MCUB: variants seen among roughly 807,000 people sequenced by gnomAD.
The protein encoded by MCUB is mitochondrial calcium uniporter dominant negative subunit beta, also known as calcium uniporter regulatory subunit MCUb, mitochondrial.
Under a neutral mutation model 41.4 loss-of-function variants are expected in MCUB, and 46 were observed. The ratio of observed to expected loss-of-function variants is 1.11; its 90% CI spans 0.88 to 1.42. The LOEUF (loss-of-function observed/expected upper bound fraction) is 1.42, where lower values mean the gene tolerates loss of function less well. MCUB is among the 40% of genes most tolerant of loss of function. The pLI, the probability that MCUB is intolerant of heterozygous loss-of-function variation, is 0.00. For missense variants in MCUB, 403 were observed against 404.9 expected (o/e 1.00, Z 0.04); for synonymous variants, 148 against 148.2 (o/e 1.00, Z 0.01).
chr4:109,684,901 C>T, intron 6 of MCUB: 1 of 398,120 alleles, frequency 2.5e-6, no homozygotes, highest in Non-Finnish European at 4.4e-6. Flanking sequence ...TTCTCTGTGC[C>T]CTCATTTATA....
chr4:109,641,366 A>T (rs1339877277), intron 1 of MCUB, among the ~76,000 whole-genome samples: 1 of 151,496 alleles, frequency 6.6e-6, no homozygotes, highest in Non-Finnish European at 1.5e-5. Flanking sequence ...AGCCTCCCAA[A>T]GTGCTGGGAT....
chr4:109,687,246 C>G (rs979219797), intron 7 of MCUB, among the ~76,000 whole-genome samples: 2 of 151,878 alleles, frequency 1.3e-5, no homozygotes, highest in African/African-American at 4.8e-5. Flanking sequence ...GTGGTCCTAG[C>G]TACTTGGGAG....
At position 109,626,821 on chromosome 4, in the gene MCUB, CAAAAAAAAAAAAAA is replaced by C. The variant is rs58560479; in HGVS notation, c.100-32179_100-32166del. Among the ~76,000 whole-genome samples, 4 of 81,566 alleles carry C rather than the reference CAAAAAAAAAAAAAA, an allele frequency of 4.9e-5. No homozygotes were observed. In the East Asian group the frequency reaches 1.4e-3, roughly 29 times the overall value. The allele number at this position is 81,566 out of a possible 152,430, so 53.5% of individuals were successfully genotyped here. A position where few individuals can be genotyped will look rare whatever the true frequency, so the allele number is the denominator to read the frequency against. ...GAGTGACAAGAGTGAGAGTCCGACT[CAAAAAAAAAAAAAA>C]AAAAAAAAAAGGAAGCCTGGATAGC... is the stretch of plus-strand genomic sequence containing the variant. On this transcript the variant is annotated intron_variant, in intron 1 of 7. Coordinates refer to ENST00000394650, the MANE Select transcript of MCUB (RefSeq NM_017918.5).
intron 2 of MCUB, among the ~76,000 whole-genome samples, 154 bp downstream of exon 2, chr4:109,659,240 C>G (rs1266475547): frequency 2.7e-5 from 4 of 149,692 alleles, no homozygotes; most frequent in Non-Finnish European, 4.4e-5. Flanking sequence ...TTTTGTGCTC[C>G]CATAATATAG....
rs117517221 is a variant in MCUB, at chr4:109,656,135, A to G, written c.100-2876A>G. Reference sequence around the variant, plus strand: ...TTGTAATCATTTTATATTGCCTCCAACTGGATTCCTGGATTCTCACAGGCA... The same window carrying G: ...TTGTAATCATTTTATATTGCCTCCAGCTGGATTCCTGGATTCTCACAGGCA... On this transcript the variant is annotated intron_variant, in intron 1 of 7. Coordinates refer to ENST00000394650, the MANE Select transcript of MCUB (RefSeq NM_017918.5). 3.8e-3 allele frequency among the ~76,000 whole-genome samples: 576 copies of G among 152,072 alleles called. 17 individuals are homozygous for G. The South Asian group carries it at 0.06, about 16-fold the overall frequency.
At chr4:109,674,055 T>G in intron 4 of MCUB, 1 of 1,383,990 alleles carries the variant, frequency 7.2e-7, no homozygotes, top group Admixed American at 1.7e-5. Context: ...AAGGCTTTGT[T>G]GTAGGAGCAA....
chr4:109,654,605 C>A (rs569920955), intron 1 of MCUB, among the ~76,000 whole-genome samples: 1 of 151,344 alleles, frequency 6.6e-6, no homozygotes, highest in East Asian at 1.9e-4. Flanking sequence ...AGCAAGACTC[C>A]GTCTCAGGAG....
In MCUB at chr4:109,576,463, C is replaced by T. The variant is rs185313207; in HGVS notation, c.99+16027C>T. On this transcript the variant is annotated intron_variant, in intron 1 of 7. Transcript: ENST00000394650. Reference sequence around the variant, plus strand: ...GCAAATAAACATGAAAAGTGGTCAGCCTCACTGATAGTCAAAAAAATGCAA... The same window carrying T: ...GCAAATAAACATGAAAAGTGGTCAGTCTCACTGATAGTCAAAAAAATGCAA... 5.3e-5 allele frequency among the ~76,000 whole-genome samples: 8 copies of T among 149,764 alleles called. No individual in the cohort carries two copies. In the East Asian group the frequency reaches 1.2e-3, roughly 22 times the overall value.
chr4:109,566,385 A>G (rs1726777399), intron 1 of MCUB, among the ~76,000 whole-genome samples: 1 of 151,102 alleles, frequency 6.6e-6, no homozygotes, highest in Admixed American at 6.6e-5. Context: ...CAGGAGAATG[A>G]CATGAACCCG....
chr4:109,612,309 C>G (rs1028692289), intron 1 of MCUB, among the ~76,000 whole-genome samples: 17 of 150,352 alleles, frequency 1.1e-4, no homozygotes, highest in Admixed American at 1.1e-3. Context: ...GCCAGCCACC[C>G]AGGCTGGAGT....
intron 1 of MCUB, among the ~76,000 whole-genome samples, chr4:109,583,790 C>T (rs532989546): frequency 6.6e-6 from 1 of 152,096 alleles, no homozygotes; most frequent in East Asian, 1.9e-4. Flanking sequence ...TGGATTTTGT[C>T]GAAGGCCTTT....
chr4:109,560,456 T>G lies in MCUB; in HGVS notation c.99+20T>G. 8.4e-7 allele frequency: 1 copy of G among 1,184,218 alleles called. No homozygotes were observed. Among genetic ancestry groups the G allele is most frequent in the Non-Finnish European group, 1.1e-6 (1 of 930,164 alleles). The allele number at this position is 1,184,218 out of a possible 1,614,324, so 73.4% of individuals were successfully genotyped here. On this transcript the variant is annotated intron_variant, in intron 1 of 7. Coordinates refer to ENST00000394650, the MANE Select transcript of MCUB (RefSeq NM_017918.5). ...CCCCAGGTAAGAGCGGGTGCCGGGCTGTGGGGGTTCGGGGTAGGCTGGTGC... is the reference window on the plus strand; with the variant it reads ...CCCCAGGTAAGAGCGGGTGCCGGGCGGTGGGGGTTCGGGGTAGGCTGGTGC...
intron 1 of MCUB, among the ~76,000 whole-genome samples, chr4:109,645,149 A>G (rs1031860925): frequency 6.6e-6 from 1 of 152,018 alleles, no homozygotes; most frequent in Non-Finnish European, 1.5e-5. Context: ...TCTCTCCTTT[A>G]TTCTTTTTCT....
At chr4:109,598,517 G>A (rs1267784564) in intron 1 of MCUB, among the ~76,000 whole-genome samples, 1 of 152,228 alleles carries the variant, frequency 6.6e-6, no homozygotes, top group East Asian at 1.9e-4. Context: ...AATCAGGCAG[G>A]GAGGTTGCAG....
At chr4:109,560,520 G>A (rs1483908800) in intron 1 of MCUB, 84 bp downstream of exon 1, 12 of 633,818 alleles carry the variant, frequency 1.9e-5, no homozygotes, top group Non-Finnish European at 2.3e-5. Context: ...AGCAAAAGCC[G>A]AGCGGCCGAG....
intron 1 of MCUB, among the ~76,000 whole-genome samples, chr4:109,646,975 A>C (rs1211411508): frequency 1.3e-5 from 2 of 152,218 alleles, no homozygotes; most frequent in Non-Finnish European, 2.9e-5. Context: ...GAGCTGGCAA[A>C]TAACAGCATG....
chr4:109,605,113 G>A (rs1727840535), intron 1 of MCUB, among the ~76,000 whole-genome samples: 1 of 152,030 alleles, frequency 6.6e-6, no homozygotes, highest in African/African-American at 2.4e-5. Flanking sequence ...TTCTTTAAAT[G>A]TTTGGTATAA....
intron 1 of MCUB, among the ~76,000 whole-genome samples, chr4:109,584,510 G>T (rs1006714514): frequency 6.6e-6 from 1 of 151,988 alleles, no homozygotes; most frequent in East Asian, 1.9e-4. Flanking sequence ...GAATTTGTTT[G>T]CTCTTGCATC....
chr4:109,666,907 A>C (rs1266294350), intron 4 of MCUB, among the ~76,000 whole-genome samples: 1 of 152,128 alleles, frequency 6.6e-6, no homozygotes, highest in African/African-American at 2.4e-5. Flanking sequence ...TTCATATTCA[A>C]GTGTTGAGCC....
Sources: gnomAD v4.1 joint callset for allele counts (sites outside exome capture counted in the v4.1 genomes callset) on GRCh38, gnomAD v4.1.1 for gene constraint, MANE v1.5 for transcripts, NCBI Gene and HGNC (gene_info 2026-07-23, HGNC 2026-07-21) for gene names.